DACH2: variants seen among roughly 807,000 people sequenced by gnomAD.
DACH2 encodes the protein dachshund homolog 2.
A neutral mutation model predicts 35.8 loss-of-function variants in DACH2; 17 were observed. The observed-to-expected ratio is 0.48, with a 90% CI of 0.33 to 0.71. The LOEUF (loss-of-function observed/expected upper bound fraction) is 0.71, where lower values mean the gene tolerates loss of function less well. Among genes scored for constraint, DACH2 ranks in the 30% least tolerant of loss-of-function variants. DACH2 has a pLI of 0.02. For missense variants in DACH2, 469 were observed against 472.7 expected (o/e 0.99, Z 0.07); for synonymous variants, 195 against 177.3 (o/e 1.10, Z -0.79).
chrX:86,823,922 C>T lies in DACH2; in HGVS notation c.1750+7823C>T, dbSNP rs767658864. On this transcript the variant is annotated intron_variant, in intron 11 of 11. Transcript: ENST00000373125. ...TGCTTCTGAGGAAACAGGACAAGGGCAAAATCAGAAACTCCTGATAAGGGC... is the reference window on the plus strand; with the variant it reads ...TGCTTCTGAGGAAACAGGACAAGGGTAAAATCAGAAACTCCTGATAAGGGC... Among the ~76,000 whole-genome samples, 11 of 111,718 alleles carry T rather than the reference C, an allele frequency of 9.8e-5. No individual in the cohort carries two copies. The East Asian group carries it at 1.1e-3, about 11-fold the overall frequency.
chrX:86,302,690 T>C (rs1441640875), intron 1 of DACH2, among the ~76,000 whole-genome samples: 1 of 110,526 alleles, frequency 9.0e-6, no homozygotes, highest in African/African-American at 3.3e-5. Context: ...TTTTAGATTA[T>C]GTATTATTTA....
intron 7 of DACH2, among the ~76,000 whole-genome samples, chrX:86,774,661 G>C (rs2042015076): frequency 8.9e-6 from 1 of 111,958 alleles, no homozygotes. Context: ...TTTACATAGT[G>C]CTTTCCCACT....
chrX:86,750,429 G>A (rs929384429), intron 7 of DACH2, among the ~76,000 whole-genome samples: 2 of 111,320 alleles, frequency 1.8e-5, no homozygotes, highest in South Asian at 7.4e-4. Flanking sequence ...ATTATTCTTT[G>A]TTGTAAAAAC....
chrX:86,202,661 T>C (rs1344448172), intron 1 of DACH2, among the ~76,000 whole-genome samples: 2 of 110,751 alleles, frequency 1.8e-5, no homozygotes, highest in Non-Finnish European at 1.9e-5. Context: ...GAAAGATTGG[T>C]TAGAGGAAAA....
intron 6 of DACH2, 115 bp downstream of exon 6, chrX:86,714,835 T>G (rs951793004): frequency 1.5e-6 from 1 of 653,867 alleles, no homozygotes; most frequent in African/African-American, 2.2e-5. Flanking sequence ...CTCAGTTAGT[T>G]AGCATACAGT....
intron 1 of DACH2, among the ~76,000 whole-genome samples, chrX:86,287,049 C>T (rs1482776482): frequency 9.0e-6 from 1 of 111,511 alleles, no homozygotes; most frequent in Non-Finnish European, 1.9e-5. Flanking sequence ...TAGCATGTCA[C>T]TTATAATAGG....
chrX:86,716,003 A>T (rs2041331470), intron 6 of DACH2, among the ~76,000 whole-genome samples: 1 of 111,868 alleles, frequency 8.9e-6, no homozygotes, highest in African/African-American at 3.2e-5. Flanking sequence ...GAAAATTTAA[A>T]GCATAACCTT....
chrX:86,490,625 G>T (rs1194909654), intron 2 of DACH2, among the ~76,000 whole-genome samples: 4 of 111,346 alleles, frequency 3.6e-5, no homozygotes, highest in African/African-American at 1.3e-4. Context: ...GAGTTATCCG[G>T]GTTTGAGATG....
intron 1 of DACH2, among the ~76,000 whole-genome samples, chrX:86,273,543 A>G (rs1235522648): frequency 8.9e-6 from 1 of 112,306 alleles, no homozygotes; most frequent in African/African-American, 3.2e-5. Context: ...GTGTGAAAAA[A>G]GTTTCCTTTC....
At chrX:86,164,623 A>G (rs1056470086) in intron 1 of DACH2, among the ~76,000 whole-genome samples, 1 of 111,267 alleles carries the variant, frequency 9.0e-6, no homozygotes, top group Non-Finnish European at 1.9e-5. Flanking sequence ...TGGTGTAAGG[A>G]GGGGGTCCAG....
intron 1 of DACH2, among the ~76,000 whole-genome samples, chrX:86,361,261 T>TCTCA (rs1172410358): frequency 8.9e-6 from 1 of 111,871 alleles, no homozygotes; most frequent in Non-Finnish European, 1.9e-5. Context: ...TATGAATATT[T>TCTCA]CTCAATATCA....
chrX:86,776,238 C>T (rs2042030677), intron 7 of DACH2, among the ~76,000 whole-genome samples: 1 of 111,318 alleles, frequency 9.0e-6, no homozygotes, highest in Non-Finnish European at 1.9e-5. Context: ...GCTCAAGAGT[C>T]CAAGATTAAG....
chrX:86,763,643 A>G (rs978515158), intron 7 of DACH2, among the ~76,000 whole-genome samples: 3 of 110,718 alleles, frequency 2.7e-5, no homozygotes, highest in Non-Finnish European at 5.7e-5. Context: ...TAGTGGAGTC[A>G]GGGTTTCACC....
intron 2 of DACH2, among the ~76,000 whole-genome samples, chrX:86,398,330 A>G (rs1157090189): frequency 1.2e-4 from 13 of 112,244 alleles, no homozygotes; most frequent in African/African-American, 4.2e-4. Flanking sequence ...TGATCTTTTC[A>G]AAAAACCAGC....
At chrX:86,499,994 A>G (rs912167718) in intron 2 of DACH2, among the ~76,000 whole-genome samples, 2 of 111,527 alleles carry the variant, frequency 1.8e-5, no homozygotes, top group Non-Finnish European at 3.8e-5. Flanking sequence ...TTGGGAGTTG[A>G]TGCACACAAT....
Position 86,293,337 on chromosome X carries a change from G to T in DACH2, c.489-83487G>T, listed in dbSNP as rs773542382. On this transcript the variant is annotated intron_variant, in intron 1 of 11. Coordinates refer to ENST00000373125, the MANE Select transcript of DACH2 (RefSeq NM_053281.3). ...TATGTGTCTCTCTGCACGTGAGATG[G>T]GTTTCCTGAATACAGCACACTGATG... 4.6e-4 allele frequency among the ~76,000 whole-genome samples: 51 copies of T among 109,868 alleles called. 1 individual carries two copies. In the East Asian group the frequency reaches 5.4e-3, roughly 12 times the overall value.
intron 1 of DACH2, among the ~76,000 whole-genome samples, chrX:86,309,898 G>T (rs2034763230): frequency 8.9e-6 from 1 of 112,234 alleles, no homozygotes; most frequent in East Asian, 2.8e-4. Context: ...AGAAGGCTCT[G>T]CAACAGGTCC....
intron 1 of DACH2, among the ~76,000 whole-genome samples, chrX:86,230,579 A>G (rs1000321865): frequency 9.0e-6 from 1 of 111,169 alleles, no homozygotes; most frequent in Non-Finnish European, 1.9e-5. Flanking sequence ...TTTTCTTTGA[A>G]TGTCTGGTAG....
In DACH2 at chrX:86,786,138, G is replaced by T. The variant is rs144997536; in HGVS notation, c.1241-26718G>T. On this transcript the variant is annotated intron_variant, in intron 7 of 11. Transcript: ENST00000373125. ...CCCCACTATATATACTCTGAAGAAA[G>T]GTTGGAGACAGAAGGCAGAGTGGAA... is the stretch of plus-strand genomic sequence containing the variant. Among the ~76,000 whole-genome samples, 8 of 111,566 alleles carry T rather than the reference G, an allele frequency of 7.2e-5. 1 individual carries two copies. In the East Asian group the frequency reaches 2.3e-3, roughly 32 times the overall value.
Sources: gnomAD v4.1 joint callset for allele counts (sites outside exome capture counted in the v4.1 genomes callset) on GRCh38, gnomAD v4.1.1 for gene constraint, MANE v1.5 for transcripts, NCBI Gene and HGNC (gene_info 2026-07-23, HGNC 2026-07-21) for gene names.